The following DYM variants were observed in gnomAD, a reference collection of about 807,000 sequenced individuals.
DYM encodes the protein dyggve-Melchior-Clausen syndrome protein.
In DYM, 78 loss-of-function variants were observed where a neutral mutation model predicts 93.1. That is an observed-to-expected ratio of 0.84 (90% CI 0.70 to 1.01). The LOEUF (loss-of-function observed/expected upper bound fraction) is 1.01, where lower values mean the gene tolerates loss of function less well. Ranked by LOEUF, DYM falls within the 50% of genes least tolerant of loss-of-function variation. The pLI, the probability that DYM is intolerant of heterozygous loss-of-function variation, is 0.00. For missense variants in DYM, 789 were observed against 845.0 expected (o/e 0.93, Z 0.82); for synonymous variants, 321 against 319.7 (o/e 1.00, Z -0.04).
At chr18:49,292,335 GGC>G (rs2060175274) in intron 8 of DYM, among the ~76,000 whole-genome samples, 1 of 111,506 alleles carries the variant, frequency 9.0e-6, no homozygotes, top group Non-Finnish European at 1.9e-5. Context: ...CAGGCAGGCA[GGC>G]AGACAGACAG....
At chr18:49,174,199 T>C (rs1430227663) in intron 14 of DYM, among the ~76,000 whole-genome samples, 5 of 146,730 alleles carry the variant, frequency 3.4e-5, no homozygotes, top group Non-Finnish European at 1.5e-5. Context: ...ATTCCTAGGA[T>C]GGGTCCCAAT....
At chr18:49,457,306 C>A (rs1600423813) in intron 1 of DYM, among the ~76,000 whole-genome samples, 1 of 152,134 alleles carries the variant, frequency 6.6e-6, no homozygotes, top group African/African-American at 2.4e-5. Flanking sequence ...TTGCCCCCAG[C>A]GTGTCCTGTG....
At chr18:49,103,786 C>G (rs2080455803) in intron 16 of DYM, among the ~76,000 whole-genome samples, 1 of 152,086 alleles carries the variant, frequency 6.6e-6, no homozygotes, top group South Asian at 2.1e-4. Flanking sequence ...TGTTTTGGTA[C>G]CAGTACCATG....
intron 2 of DYM, among the ~76,000 whole-genome samples, chr18:49,398,232 T>C (rs2070360253): frequency 6.6e-6 from 1 of 152,202 alleles, no homozygotes; most frequent in South Asian, 2.1e-4. Flanking sequence ...CCATATTAGA[T>C]ATTTATAAGG....
chr18:49,220,567 A>G (rs2093307626), intron 13 of DYM, among the ~76,000 whole-genome samples: 2 of 151,616 alleles, frequency 1.3e-5, no homozygotes, highest in East Asian at 1.9e-4. Context: ...ATATAGATCA[A>G]TGGAACAGAA....
chr18:49,350,587 T>C (rs1002800298), intron 6 of DYM, among the ~76,000 whole-genome samples: 22 of 152,120 alleles, frequency 1.4e-4, no homozygotes, highest in African/African-American at 5.3e-4. Context: ...GCGCCTGTAA[T>C]TCCAGCTACC....
chr18:49,452,240 C>G (rs915446686), intron 1 of DYM, among the ~76,000 whole-genome samples: 7 of 152,172 alleles, frequency 4.6e-5, no homozygotes, highest in African/African-American at 1.7e-4. Context: ...AGCGGCAGAC[C>G]TTCGCGGTGA....
intron 16 of DYM, among the ~76,000 whole-genome samples, chr18:49,113,349 T>C (rs833499): frequency 1 from 151,599 of 152,342 alleles, 75,438 homozygotes; most frequent in Middle Eastern, 1. Context: ...TGTTTGGTGT[T>C]ATATTCTACC....
At chr18:49,045,551 G>T (rs1434825637) in intron 17 of DYM, among the ~76,000 whole-genome samples, 12 of 152,184 alleles carry the variant, frequency 7.9e-5, no homozygotes, top group Non-Finnish European at 1.5e-4. Flanking sequence ...GCACTGTGTG[G>T]GCCAGGGCCT....
chr18:49,441,814 G>T (rs1446529976), intron 1 of DYM, among the ~76,000 whole-genome samples: 1 of 152,078 alleles, frequency 6.6e-6, no homozygotes, highest in Non-Finnish European at 1.5e-5. Context: ...GGAAGACGGG[G>T]CAAGGTGCAG....
intron 15 of DYM, among the ~76,000 whole-genome samples, chr18:49,155,132 G>T (rs1201420527): frequency 6.6e-6 from 1 of 152,180 alleles, no homozygotes; most frequent in Non-Finnish European, 1.5e-5. Context: ...CTTAAACAAG[G>T]TTGAAGAATA....
intron 17 of DYM, among the ~76,000 whole-genome samples, chr18:49,096,081 A>G (rs1368227422): frequency 6.6e-6 from 1 of 152,180 alleles, no homozygotes; most frequent in African/African-American, 2.4e-5. Context: ...CCAACAAACC[A>G]AGGTCTTACT....
intron 10 of DYM, among the ~76,000 whole-genome samples, chr18:49,279,688 C>T (rs1018822937): frequency 4.6e-5 from 7 of 152,178 alleles, no homozygotes; most frequent in Admixed American, 2.0e-4. Context: ...TTATTGCCAA[C>T]GTTTCCCTTA....
At chr18:49,080,461 T>C (rs370168131) in intron 17 of DYM, among the ~76,000 whole-genome samples, 3 of 93,884 alleles carry the variant, frequency 3.2e-5, no homozygotes, top group African/African-American at 4.1e-5. Context: ...TAGGGGCGGC[T>C]GGGCAGAGGC....
intron 17 of DYM, among the ~76,000 whole-genome samples, chr18:49,052,606 T>C (rs1309406692): frequency 6.6e-6 from 1 of 152,136 alleles, no homozygotes; most frequent in Non-Finnish European, 1.5e-5. Context: ...CACTTGAGAG[T>C]GTCTTCATCT....
At chr18:49,138,839 G>C (rs767038426) in intron 15 of DYM, among the ~76,000 whole-genome samples, 11 of 152,114 alleles carry the variant, frequency 7.2e-5, no homozygotes, top group Non-Finnish European at 1.5e-4. Context: ...TACAGGAAGT[G>C]TCCGATTTAA....
chr18:49,161,346 T>C (rs2087101781), intron 15 of DYM, among the ~76,000 whole-genome samples: 1 of 152,186 alleles, frequency 6.6e-6, no homozygotes, highest in Non-Finnish European at 1.5e-5. Flanking sequence ...TCCTCAAATA[T>C]TAATTTTATA....
chr18:49,249,856 A>G (rs1367098194), intron 13 of DYM, among the ~76,000 whole-genome samples: 1 of 152,218 alleles, frequency 6.6e-6, no homozygotes, highest in Non-Finnish European at 1.5e-5. Context: ...TGGATTTGAG[A>G]ATTTTAAAGT....
chr18:49,088,716 A>T (rs143609372), intron 17 of DYM, among the ~76,000 whole-genome samples: 2 of 152,210 alleles, frequency 1.3e-5, no homozygotes, highest in African/African-American at 4.8e-5. Flanking sequence ...TCAGTTACAC[A>T]AATTGGTCTA....
Sources: gnomAD v4.1 joint callset for allele counts (sites outside exome capture counted in the v4.1 genomes callset) on GRCh38, gnomAD v4.1.1 for gene constraint, MANE v1.5 for transcripts, NCBI Gene and HGNC (gene_info 2026-07-23, HGNC 2026-07-21) for gene names.